The following TMEM184B variants were observed in gnomAD, a reference collection of about 807,000 sequenced individuals.
TMEM184B encodes putative MAPK-activating protein FM08.
A neutral mutation model predicts 41.8 loss-of-function variants in TMEM184B; 17 were observed. That is an observed-to-expected ratio of 0.41 (90% CI 0.28 to 0.61). The LOEUF (loss-of-function observed/expected upper bound fraction) is 0.61, where lower values mean the gene tolerates loss of function less well. Among genes scored for constraint, TMEM184B ranks in the 20% least tolerant of loss-of-function variants. The pLI is 0.34. For missense variants in TMEM184B, 393 were observed against 557.8 expected, an observed-to-expected ratio of 0.70 and a Z score of 2.98; for synonymous variants, 240 against 229.5, an observed-to-expected ratio of 1.05 and a Z score of -0.41.
intron 1 of TMEM184B, among the ~76,000 whole-genome samples, chr22:38,270,375 A>G (rs1206765643): frequency 1.3e-5 from 2 of 152,246 alleles, no homozygotes; most frequent in Non-Finnish European, 2.9e-5. Context: ...GGGTGGTAGG[A>G]AAATTAAATA....
chr22:38,230,830 C>A, intron 4 of TMEM184B, 86 bp from the exon 5 acceptor site: 1 of 1,276,254 alleles, frequency 7.8e-7, no homozygotes. Context: ...CGCCCTCCCA[C>A]CCATCCAGAC....
At position 38,226,948 on chromosome 22, in the gene TMEM184B, AACTGTACCGG is replaced by A; in HGVS notation, c.526-88_526-79del. ...AGCAAGCCCTGCCTCTGGCAGACGG[AACTGTACCGG>A]ATGGAGGGACAGAGAGGATGAAGGA... On this transcript the variant is annotated intron_variant, in intron 5 of 8. Coordinates refer to ENST00000361906, the MANE Select transcript of TMEM184B (RefSeq NM_012264.5). This position sits in a 1 kb window ranked among gnomAD's most constrained non-coding sequence, Gnocchi z 4.6. The A allele has an allele frequency of 7.1e-7, 1 of 1,416,754 alleles. No homozygotes were observed. The highest frequency in any genetic ancestry group is 1.2e-5 in the South Asian group (1 of 80,938). The allele number at this position is 1,416,754 out of a possible 1,614,324, so 87.8% of individuals were successfully genotyped here. A position where few individuals can be genotyped will look rare whatever the true frequency, so the allele number is the denominator to read the frequency against.
downstream of TMEM184B, among the ~76,000 whole-genome samples, chr22:38,219,074 T>A (rs947902235): frequency 1.3e-5 from 2 of 152,258 alleles, no homozygotes; most frequent in African/African-American, 4.8e-5. Context: ...GGCCCGGCCG[T>A]CCTGGGTTGG....
intron 3 of TMEM184B, among the ~76,000 whole-genome samples, chr22:38,234,781 TA>T (rs1417538799): frequency 6.6e-6 from 1 of 151,914 alleles, no homozygotes; most frequent in African/African-American, 2.4e-5. Context: ...CAACATTAAG[TA>T]AGGTAAAGAG....
chr22:38,265,252 C>T (rs141856335), intron 1 of TMEM184B, among the ~76,000 whole-genome samples: 7 of 152,342 alleles, frequency 4.6e-5, no homozygotes, highest in Middle Eastern at 3.4e-3. Context: ...CCACTGTCCA[C>T]TGAGCCTCAG....
intron 4 of TMEM184B, 116 bp from the exon 5 acceptor site, chr22:38,230,860 G>T: frequency 9.8e-7 from 1 of 1,019,430 alleles, no homozygotes; most frequent in Non-Finnish European, 1.5e-6. Context: ...CACACATTCT[G>T]GGCAGACTTT....
In TMEM184B at chr22:38,250,993, C is replaced by T. The variant is rs73884672; in HGVS notation, c.-58-2974G>A. On this transcript the variant is annotated intron_variant, in intron 1 of 8. Transcript: ENST00000361906. ...GCCAGGACTCAAGGCCAGGTCCTAT[C>T]AACACGTTGTCTCCTCACCTCCTAC... Among the ~76,000 whole-genome samples, 328 of 152,324 alleles carry T rather than the reference C, an allele frequency of 2.2e-3. 3 individuals carry two copies. Among genetic ancestry groups the T allele is most frequent in the African/African-American group, 7.7e-3 (319 of 41,568 alleles).
In TMEM184B at chr22:38,219,904, C is replaced by CATGTGGA; in HGVS notation, c.*1564_*1565insTCCACAT. On this transcript the variant is annotated 3_prime_UTR_variant, in exon 9 of 9. Transcript: ENST00000361906. ...CTGGCACCCACATGCAGGCCTCTGCCACGAGGAAAGGAAGGAGGCCAGGAA... is the reference window on the plus strand; with the variant it reads ...CTGGCACCCACATGCAGGCCTCTGCCATGTGGAACGAGGAAAGGAAGGAGGCCAGGAA... 1.0e-6 allele frequency: 1 copy of CATGTGGA among 985,432 alleles called. No homozygotes were observed. The highest frequency in any genetic ancestry group is 4.7e-5 in the South Asian group (1 of 21,288). The allele number at this position is 985,432 out of a possible 1,614,324, so 61.0% of individuals were successfully genotyped here.
chr22:38,224,596 G>T (rs2091371367), intron 8 of TMEM184B, among the ~76,000 whole-genome samples, 189 bp downstream of exon 8: 1 of 152,188 alleles, frequency 6.6e-6, no homozygotes, highest in Non-Finnish European at 1.5e-5. Flanking sequence ...TGAGCTTCCA[G>T]GACCGAATCG....
chr22:38,226,000 C>T lies in TMEM184B; in HGVS notation c.618-407G>A, dbSNP rs2091425121. Among the ~76,000 whole-genome samples the T allele has an allele frequency of 6.6e-6, 1 of 151,272 alleles. No homozygotes were observed. On this transcript the variant is annotated intron_variant, in intron 6 of 8. Coordinates refer to ENST00000361906, the MANE Select transcript of TMEM184B (RefSeq NM_012264.5). The surrounding 1 kb of genome is among the most constrained non-coding windows in gnomAD (Gnocchi z 4.4). ...CCCCTGACCTCCTTTTGCCCACCTG[C>T]CCTGGCAGGGCTGTTACACAGTTCA...
chr22:38,227,116 C>T (rs150009775), intron 5 of TMEM184B, among the ~76,000 whole-genome samples: 6 of 144,634 alleles, frequency 4.1e-5, no homozygotes, highest in East Asian at 2.0e-4. Flanking sequence ...GCTGTCTGCG[C>T]GGGGCGGGGG....
chr22:38,246,653 C>T (rs989272252), intron 2 of TMEM184B: 3 of 439,216 alleles, frequency 6.8e-6, no homozygotes, highest in Non-Finnish European at 1.1e-5. Context: ...TCAGGTTGTG[C>T]CTCCTCCTCC....
At chr22:38,261,275 G>A (rs956773473) in intron 1 of TMEM184B, among the ~76,000 whole-genome samples, 3 of 152,188 alleles carry the variant, frequency 2.0e-5, no homozygotes, top group African/African-American at 7.2e-5. Context: ...CCCCTGGCCA[G>A]GCACTTCTGC....
At chr22:38,254,204 C>CA (rs61216492) in intron 1 of TMEM184B, among the ~76,000 whole-genome samples, 3,880 of 86,360 alleles carry the variant, frequency 0.045, 220 homozygotes, top group African/African-American at 0.12. Flanking sequence ...CTCTTGTCTC[C>CA]AAAAAAAAAA....
At position 38,248,023 on chromosome 22, in the gene TMEM184B, G is replaced by A; in HGVS notation, c.-58-4C>T. Reference sequence around the variant, plus strand: ...TTGCAGAAAGTGACAAGCTAGCCTAGAGAGAAGAAATTGCAATGTGAGTCT... The same window carrying A: ...TTGCAGAAAGTGACAAGCTAGCCTAAAGAGAAGAAATTGCAATGTGAGTCT... On this transcript the variant is annotated splice_polypyrimidine_tract_variant and splice_region_variant and intron_variant, in intron 1 of 8. Coordinates refer to ENST00000361906, the MANE Select transcript of TMEM184B (RefSeq NM_012264.5). The A allele has an allele frequency of 6.7e-7, 1 of 1,491,902 alleles. No homozygotes were observed. Among genetic ancestry groups the A allele is most frequent in the South Asian group, 1.3e-5 (1 of 77,834 alleles). The allele number at this position is 1,491,902 out of a possible 1,614,324, so 92.4% of individuals were successfully genotyped here. A position where few individuals can be genotyped will look rare whatever the true frequency, so the allele number is the denominator to read the frequency against.
chr22:38,254,851 CTTTTTTTT>C (rs71195097), intron 1 of TMEM184B, among the ~76,000 whole-genome samples: 3 of 131,198 alleles, frequency 2.3e-5, no homozygotes, highest in African/African-American at 8.5e-5. Context: ...TTGGCACTTT[CTTTTTTTT>C]TTTTTTTTTT....
intron 1 of TMEM184B, among the ~76,000 whole-genome samples, chr22:38,257,036 C>G (rs1381535242): frequency 7.0e-6 from 1 of 142,176 alleles, no homozygotes; most frequent in Admixed American, 7.3e-5. Context: ...GGCTGGAGTG[C>G]AATGGCGCGA....
Position 38,221,022 on chromosome 22 carries a change from A to G in TMEM184B, c.*447T>C, listed in dbSNP as rs866319208. 3 of 1,003,770 alleles carry G rather than the reference A, an allele frequency of 3.0e-6. No homozygotes were observed. The highest frequency in any genetic ancestry group is 3.5e-5 in the African/African-American group (2 of 57,594). 62.2% of individuals were successfully genotyped at this position (1,003,770 alleles called of 1,614,324 possible). A position where few individuals can be genotyped will look rare whatever the true frequency, so the allele number is the denominator to read the frequency against. ...ACAAAGGTGGACAGGGGAGGGATGC[A>G]GGCGGGAAGAGCCCAGGTCAGACAG... On this transcript the variant is annotated 3_prime_UTR_variant, in exon 9 of 9. Transcript: ENST00000361906.
downstream of TMEM184B, among the ~76,000 whole-genome samples, chr22:38,217,889 G>A (rs2091170205): frequency 6.6e-6 from 1 of 151,688 alleles, no homozygotes; most frequent in Admixed American, 6.6e-5. Context: ...TCATGGTGGT[G>A]TGGTTGAGCC....
Sources: gnomAD v4.1 joint callset for allele counts (sites outside exome capture counted in the v4.1 genomes callset) on GRCh38, gnomAD v4.1.1 for gene constraint, Gnocchi (gnomAD v3.1) non-coding constraint, MANE v1.5 for transcripts, NCBI Gene and HGNC (gene_info 2026-07-23, HGNC 2026-07-21) for gene names.